The following SOBP variants were observed in gnomAD, a reference collection of about 807,000 sequenced individuals.
SOBP encodes the protein sine oculis binding protein homolog, also known as sine oculis-binding protein homolog.
Under a neutral mutation model 53.6 loss-of-function variants are expected in SOBP, and 4 were observed. That is an observed-to-expected ratio of 0.07 (90% CI 0.04 to 0.17). The LOEUF (loss-of-function observed/expected upper bound fraction) is 0.17. Ranked by LOEUF, SOBP falls within the 10% of genes least tolerant of loss-of-function variation. The pLI, the probability that SOBP is intolerant of heterozygous loss-of-function variation, is 1.00. For missense variants in SOBP, 1,088 were observed against 1,204.7 expected (o/e 0.90, Z 1.43); for synonymous variants, 584 against 522.6 (o/e 1.12, Z -1.60).
Position 107,627,577 on chromosome 6 carries a change from A to C in SOBP, c.670-5937A>C, listed in dbSNP as rs116745089. On this transcript the variant is annotated intron_variant, in intron 5 of 6. Transcript: ENST00000317357. ...TCTTTAGCCTCTCCTTGAGCTCCAA[A>C]TCTTATTTAAGAGAGAGAGAGAGCT... Among the ~76,000 whole-genome samples, 683 of 152,278 alleles carry C rather than the reference A, an allele frequency of 4.5e-3. 3 individuals are homozygous for C. The highest frequency in any genetic ancestry group is 0.016 in the African/African-American group (653 of 41,554).
intron 1 of SOBP, among the ~76,000 whole-genome samples, chr6:107,500,651 A>C (rs979488807): frequency 6.6e-6 from 1 of 151,492 alleles, no homozygotes; most frequent in Non-Finnish European, 1.5e-5. Flanking sequence ...CCTCCCAAGT[A>C]GCTGGGACTA....
intron 4 of SOBP, among the ~76,000 whole-genome samples, chr6:107,578,628 G>A (rs1413414045): frequency 1.3e-5 from 2 of 152,198 alleles, no homozygotes; most frequent in African/African-American, 4.8e-5. Flanking sequence ...ATATATGTAT[G>A]AGTGTGTGCA....
intron 6 of SOBP, among the ~76,000 whole-genome samples, chr6:107,654,733 C>CT (rs1771946058): frequency 2.0e-5 from 3 of 151,950 alleles, no homozygotes; most frequent in Admixed American, 6.5e-5. Flanking sequence ...AATCGAGGCT[C>CT]TGGGGGAGGG....
intron 6 of SOBP, among the ~76,000 whole-genome samples, chr6:107,647,086 G>C (rs1362806921): frequency 6.6e-6 from 1 of 152,172 alleles, no homozygotes; most frequent in Admixed American, 6.5e-5. Flanking sequence ...AAAACTGGCT[G>C]GGTCACTTAC....
At chr6:107,577,312 C>T (rs1785252764) in intron 4 of SOBP, among the ~76,000 whole-genome samples, 1 of 152,260 alleles carries the variant, frequency 6.6e-6, no homozygotes, top group South Asian at 2.1e-4. Context: ...TATTGTACTT[C>T]TGTCTCTATT....
At chr6:107,586,282 T>G (rs1785564291) in intron 4 of SOBP, among the ~76,000 whole-genome samples, 1 of 152,016 alleles carries the variant, frequency 6.6e-6, no homozygotes, top group African/African-American at 2.4e-5. Context: ...CAGAGCGGAG[T>G]GCAAGTGTCA....
chr6:107,543,595 C>G (rs1784213487), intron 4 of SOBP, among the ~76,000 whole-genome samples: 1 of 152,128 alleles, frequency 6.6e-6, no homozygotes, highest in Admixed American at 6.5e-5. Context: ...AGTCAGGGAA[C>G]TGTTAGGGAG....
intron 4 of SOBP, among the ~76,000 whole-genome samples, chr6:107,555,953 A>G (rs1315201396): frequency 2.0e-5 from 3 of 152,264 alleles, no homozygotes; most frequent in Admixed American, 2.0e-4. Context: ...TTTACAAAAC[A>G]TCAGACTTAA....
intron 3 of SOBP, among the ~76,000 whole-genome samples, chr6:107,527,544 C>T (rs1411810315): frequency 6.6e-6 from 1 of 152,274 alleles, no homozygotes; most frequent in East Asian, 1.9e-4. Flanking sequence ...TTCTAATTGC[C>T]ACTCGTTCTA....
intron 4 of SOBP, among the ~76,000 whole-genome samples, chr6:107,562,140 C>G (rs779728045): frequency 1.3e-5 from 2 of 151,148 alleles, no homozygotes; most frequent in East Asian, 3.9e-4. Context: ...AAGTGATTCT[C>G]GTGCCTCAGC....
At chr6:107,591,982 T>G (rs1248254619) in intron 5 of SOBP, among the ~76,000 whole-genome samples, 7 of 148,580 alleles carry the variant, frequency 4.7e-5, no homozygotes, top group Non-Finnish European at 8.9e-5. Flanking sequence ...TTTTTTTTTT[T>G]TTTTTTTTTT....
intron 4 of SOBP, among the ~76,000 whole-genome samples, chr6:107,557,538 G>C (rs1173344063): frequency 6.6e-6 from 1 of 152,192 alleles, no homozygotes; most frequent in Non-Finnish European, 1.5e-5. Context: ...ATGGCCTTTA[G>C]CTGTATATCA....
At chr6:107,504,747 C>A (rs1023427461) in intron 2 of SOBP, among the ~76,000 whole-genome samples, 1 of 152,186 alleles carries the variant, frequency 6.6e-6, no homozygotes, top group African/African-American at 2.4e-5. Context: ...TGTAATTGAG[C>A]TGCCCTGCAG....
intron 5 of SOBP, among the ~76,000 whole-genome samples, chr6:107,593,299 C>A (rs1785824492): frequency 6.6e-6 from 1 of 152,130 alleles, no homozygotes; most frequent in Non-Finnish European, 1.5e-5. Flanking sequence ...GATATAGGGG[C>A]CTTATTGGGG....
intron 1 of SOBP, among the ~76,000 whole-genome samples, chr6:107,491,686 T>C (rs1782585282): frequency 6.6e-6 from 1 of 152,122 alleles, no homozygotes. Context: ...TATTTATTTT[T>C]CTGCGAGCCA....
At chr6:107,623,160 G>A (rs1270099610) in intron 5 of SOBP, among the ~76,000 whole-genome samples, 1 of 152,172 alleles carries the variant, frequency 6.6e-6, no homozygotes, top group East Asian at 1.9e-4. Flanking sequence ...AAGTGCCAAG[G>A]AAAGGTGGAT....
rs75111080 is a variant in SOBP at position 107,650,447 on chromosome 6, A to G, written c.*4-7760A>G. Among the ~76,000 whole-genome samples the G allele has an allele frequency of 6.6e-3, 998 of 152,336 alleles. 6 individuals are homozygous for G. Among genetic ancestry groups the G allele is most frequent in the Non-Finnish European group, 8.4e-3 (571 of 68,016 alleles). ...GGTTTGTGGCAACCCTGTCAAGTCT[A>G]TCAATGCCATTTTTCCAACAGCATG... On this transcript the variant is annotated intron_variant, in intron 6 of 6. Coordinates refer to ENST00000317357, the MANE Select transcript of SOBP (RefSeq NM_018013.4).
chr6:107,559,291 A>G (rs1784708012), intron 4 of SOBP, among the ~76,000 whole-genome samples: 1 of 152,104 alleles, frequency 6.6e-6, no homozygotes, highest in East Asian at 1.9e-4. Flanking sequence ...TTCCCACGCT[A>G]CACCGACGTA....
intron 4 of SOBP, among the ~76,000 whole-genome samples, chr6:107,554,304 G>T (rs1158437203): frequency 6.6e-6 from 1 of 152,164 alleles, no homozygotes; most frequent in Non-Finnish European, 1.5e-5. Flanking sequence ...TCTCAAAATG[G>T]ATGGCTTTAA....
Sources: allele counts gnomAD v4.1 joint callset (sites outside exome capture counted in the v4.1 genomes callset), GRCh38; gene constraint gnomAD v4.1.1; transcripts MANE v1.5; gene names NCBI Gene and HGNC (gene_info 2026-07-23, HGNC 2026-07-21).